The following RARS2 variants were observed in gnomAD, a reference collection of about 807,000 sequenced individuals.
RARS2 encodes the protein arginyl-tRNA synthetase 2, mitochondrial.
RARS2 carries 67 observed loss-of-function variants against 88.5 expected under a neutral mutation model. That is an observed-to-expected ratio of 0.76 (90% CI 0.62 to 0.93). The LOEUF (loss-of-function observed/expected upper bound fraction) is 0.93. RARS2 is among the 40% of genes least tolerant of loss of function. RARS2 has a pLI of 0.00. For missense variants in RARS2, 664 were observed against 684.2 expected (o/e 0.97, Z 0.33); for synonymous variants, 239 against 230.3 (o/e 1.04, Z -0.34).
At chr6:87,559,777 A>T (rs940183516) in intron 4 of RARS2, among the ~76,000 whole-genome samples, 2 of 152,228 alleles carry the variant, frequency 1.3e-5, no homozygotes, top group Non-Finnish European at 2.9e-5. Context: ...CAGTAGTGTA[A>T]TGTCCTAGGC....
intron 10 of RARS2, among the ~76,000 whole-genome samples, chr6:87,525,541 CTTTT>C (rs1175877568): frequency 6.7e-6 from 1 of 149,598 alleles, no homozygotes; most frequent in Non-Finnish European, 1.5e-5. Flanking sequence ...AATCAGTAGC[CTTTT>C]TTTCTTTTTT....
chr6:87,534,381 T>C (rs1399080055), intron 8 of RARS2, among the ~76,000 whole-genome samples: 1 of 152,218 alleles, frequency 6.6e-6, no homozygotes, highest in East Asian at 1.9e-4. Context: ...ACTCTATGTA[T>C]ATACATAACC....
chr6:87,528,175 A>T (rs950875044), intron 10 of RARS2, among the ~76,000 whole-genome samples: 2 of 152,098 alleles, frequency 1.3e-5, no homozygotes, highest in African/African-American at 2.4e-5. Context: ...TCATCAGGGA[A>T]ATACAAAATT....
intron 1 of RARS2, among the ~76,000 whole-genome samples, chr6:87,574,899 T>A (rs1267383092): frequency 6.6e-6 from 1 of 150,660 alleles, no homozygotes; most frequent in Non-Finnish European, 1.5e-5. Flanking sequence ...GAAGAACTAA[T>A]CAGAGAATAC....
intron 11 of RARS2, among the ~76,000 whole-genome samples, chr6:87,522,495 T>G (rs781339025): frequency 1.4e-4 from 21 of 152,120 alleles, no homozygotes; most frequent in Non-Finnish European, 2.6e-4. Flanking sequence ...AATATTAAAA[T>G]TTAAAATTAG....
At chr6:87,556,633 TA>T (rs1236326041) in intron 4 of RARS2, among the ~76,000 whole-genome samples, 3 of 150,232 alleles carry the variant, frequency 2.0e-5, no homozygotes, top group African/African-American at 2.4e-5. Context: ...AAAAAAATTT[TA>T]AAAAAAAATT....
intron 2 of RARS2, 180 bp from the exon 3 acceptor site, chr6:87,564,412 C>T: frequency 1.7e-6 from 1 of 597,434 alleles, no homozygotes; most frequent in Non-Finnish European, 3.0e-6. Flanking sequence ...GTAATCCCAG[C>T]ACTTTGGGAG....
intron 5 of RARS2, among the ~76,000 whole-genome samples, chr6:87,550,713 A>G (rs1014322465): frequency 5.3e-5 from 8 of 151,280 alleles, no homozygotes; most frequent in Non-Finnish European, 1.2e-4. Context: ...ATTTAAGAAA[A>G]AAAAAAAAAA....
intron 2 of RARS2, among the ~76,000 whole-genome samples, chr6:87,567,586 C>T (rs890015484): frequency 6.6e-6 from 1 of 152,132 alleles, no homozygotes; most frequent in South Asian, 2.1e-4. Context: ...ATTCTCCTGG[C>T]ACTTGTAAGC....
intron 1 of RARS2, among the ~76,000 whole-genome samples, chr6:87,570,893 T>G (rs1161732797): frequency 6.6e-6 from 1 of 152,134 alleles, no homozygotes; most frequent in Non-Finnish European, 1.5e-5. Flanking sequence ...AGTACCTTAA[T>G]TTTTCTTTGC....
chr6:87,581,304 T>C (rs1434178280), intron 1 of RARS2, among the ~76,000 whole-genome samples: 1 of 152,188 alleles, frequency 6.6e-6, no homozygotes, highest in Non-Finnish European at 1.5e-5. Context: ...AGATTAGCTC[T>C]GTATTTTTAT....
chr6:87,557,646 C>G (rs1786400968), intron 4 of RARS2, among the ~76,000 whole-genome samples: 1 of 152,216 alleles, frequency 6.6e-6, no homozygotes, highest in Admixed American at 6.5e-5. Context: ...AATTCCTTCC[C>G]TCCTTCCTCA....
chr6:87,580,884 A>G (rs915388774), intron 1 of RARS2, among the ~76,000 whole-genome samples: 6 of 152,170 alleles, frequency 3.9e-5, no homozygotes, highest in African/African-American at 1.4e-4. Context: ...TATGTAATAT[A>G]AGAATGGCTA....
At chr6:87,587,660 T>C (rs1473290343) in intron 1 of RARS2, among the ~76,000 whole-genome samples, 3 of 152,230 alleles carry the variant, frequency 2.0e-5, no homozygotes, top group African/African-American at 7.2e-5. Context: ...ACTGACTCAA[T>C]TATATAATAA....
rs2128000444 is a variant in RARS2 at position 87,518,658 on chromosome 6, G to A, written c.1387C>T (p.Leu463=). The change falls in exon 16 of 20, where the codon CTA becomes TTA. Residue 463 remains leucine, a synonymous_variant. Transcript: ENST00000369536. The stretch of plus-strand genomic sequence containing the variant: ...TGGAGGCGGGCGTGTGTGTACTGTA[G>A]GAAGACTCCTGTGTCCCCGCGACTC... ...FQSRGDTGVF[L]QYTHARLHSL... 1 of 1,613,772 alleles carries A rather than the reference G, an allele frequency of 6.2e-7. No homozygotes were observed. Among genetic ancestry groups the A allele is most frequent in the Non-Finnish European group, 8.5e-7 (1 of 1,179,810 alleles).
At chr6:87,537,622 G>A (rs1313380616) in intron 8 of RARS2, among the ~76,000 whole-genome samples, 1 of 152,082 alleles carries the variant, frequency 6.6e-6, no homozygotes, top group African/African-American at 2.4e-5. Context: ...TTAGGGTTGT[G>A]GATAAGGAAG....
chr6:87,581,700 C>T (rs1401556480), intron 1 of RARS2, among the ~76,000 whole-genome samples: 6 of 152,108 alleles, frequency 3.9e-5, no homozygotes, highest in Non-Finnish European at 8.8e-5. Flanking sequence ...AACCCATCAC[C>T]TAGGTATTAA....
chr6:87,547,017 G>A (rs1162493974), intron 6 of RARS2, among the ~76,000 whole-genome samples: 3 of 152,138 alleles, frequency 2.0e-5, no homozygotes, highest in Non-Finnish European at 2.9e-5. Flanking sequence ...ACAATACTTT[G>A]GGATGTTGGG....
chr6:87,549,899 T>C (rs1656088110), intron 5 of RARS2, among the ~76,000 whole-genome samples: 1 of 152,234 alleles, frequency 6.6e-6, no homozygotes, highest in African/African-American at 2.4e-5. Flanking sequence ...TTAATTATAC[T>C]GTTCCCTGTT....
Sources: gnomAD v4.1 joint callset for allele counts (sites outside exome capture counted in the v4.1 genomes callset) on GRCh38, gnomAD v4.1.1 for gene constraint, MANE v1.5 for transcripts, NCBI Gene and HGNC (gene_info 2026-07-23, HGNC 2026-07-21) for gene names.